The following SHPRH variants were observed in gnomAD, a reference collection of about 807,000 sequenced individuals.
The protein encoded by SHPRH is E3 ubiquitin-protein ligase SHPRH.
Under a neutral mutation model 202.5 loss-of-function variants are expected in SHPRH, and 106 were observed. That is an observed-to-expected ratio of 0.52 (90% CI 0.45 to 0.62). The LOEUF (loss-of-function observed/expected upper bound fraction) is 0.62. Among genes scored for constraint, SHPRH ranks in the 20% least tolerant of loss-of-function variants. The probability of loss-of-function intolerance (pLI) is 0.00; values close to 1 mark genes in which losing one functional copy is unlikely to be tolerated. For missense variants in SHPRH, 1,710 were observed against 2,020.0 expected (o/e 0.85, Z 2.94); for synonymous variants, 729 against 686.0 (o/e 1.06, Z -0.98).
intron 2 of SHPRH, among the ~76,000 whole-genome samples, chr6:145,864,772 G>C (rs1249654955): frequency 6.6e-6 from 1 of 152,004 alleles, no homozygotes; most frequent in Admixed American, 6.6e-5. Context: ...TGATGCCCTA[G>C]ATTCTGTGAC....
chr6:145,908,115 T>A (rs1226282936), intron 25 of SHPRH: 1 of 152,190 alleles, frequency 6.6e-6, no homozygotes, highest in South Asian at 2.1e-4. Flanking sequence ...TATGGATGCA[T>A]AGTATTACAT....
intron 14 of SHPRH, among the ~76,000 whole-genome samples, chr6:145,929,399 A>G (rs1051326328): frequency 1.3e-5 from 2 of 152,058 alleles, no homozygotes; most frequent in African/African-American, 2.4e-5. Flanking sequence ...TATCATACGT[A>G]TTTATTTACA....
At chr6:145,863,655 G>A (rs115345385), downstream of SHPRH, among the ~76,000 whole-genome samples, 1,529 of 152,272 alleles carry the variant, frequency 0.01, 23 homozygotes, top group African/African-American at 0.035. Context: ...GAGATGGACT[G>A]GGCTAGTTAA....
At chr6:145,947,232 T>C (rs1045717933) in intron 6 of SHPRH, among the ~76,000 whole-genome samples, 1 of 152,020 alleles carries the variant, frequency 6.6e-6, no homozygotes, top group Non-Finnish European at 1.5e-5. Context: ...GTAAAGGAGT[T>C]TCTCTGCCAA....
intron 24 of SHPRH, among the ~76,000 whole-genome samples, chr6:145,912,634 A>T (rs986634896): frequency 6.6e-6 from 1 of 152,096 alleles, no homozygotes; most frequent in Non-Finnish European, 1.5e-5. Flanking sequence ...TCCCTTTAAG[A>T]TGTATTAGCA....
chr6:145,950,308 T>A lies in SHPRH; in HGVS notation c.938A>T (p.Asn313Ile). The change falls in exon 4 of 30, where the codon AAT becomes ATT. Residue 313 changes from asparagine (N) to isoleucine (I), a missense_variant. By Grantham distance (149) the Asn-to-Ile change is moderately radical (BLOSUM62 -3). Coordinates refer to ENST00000275233, the MANE Select transcript of SHPRH (RefSeq NM_001042683.3). ...GAAACACTCTTGTTGTAGCATCCAA[T>A]TGACAGCCTCTCTTTGGTAGGGTCT... ...VLRPYQREAV[N>I]WMLQQECFRS... 1.2e-6 allele frequency: 2 copies of A among 1,613,180 alleles called. No homozygotes were observed. The highest frequency in any genetic ancestry group is 1.7e-6 in the Non-Finnish European group (2 of 1,179,382).
chr6:145,961,194 T>C (rs1453928103), intron 1 of SHPRH, among the ~76,000 whole-genome samples: 1 of 152,120 alleles, frequency 6.6e-6, no homozygotes, highest in Admixed American at 6.5e-5. Flanking sequence ...TGTCGCAGGA[T>C]GGGGGACCAC....
chr6:145,926,249 G>T lies in SHPRH; in HGVS notation c.3249C>A (p.His1083Gln), dbSNP rs1197480311. 6.2e-7 allele frequency: 1 copy of T among 1,612,900 alleles called. No individual in the cohort carries two copies. The highest frequency in any genetic ancestry group is 8.5e-7 in the Non-Finnish European group (1 of 1,179,248). The part of the protein sequence containing the change: ...HNLMELLIAR[H>Q]PGIPPTLRDG... ...CACGCAAGGTAGGTGGTATCCCTGG[G>T]TGCCTGGCTATCAACAATTCCATCA... is the stretch of plus-strand genomic sequence containing the variant. The change falls in exon 16 of 30, where the codon CAC becomes CAA. Residue 1083 changes from histidine to glutamine, a missense_variant. His to Gln is a conservative substitution (Grantham distance 24, BLOSUM62 0). This residue lies in a region of SHPRH where 288 missense variants were observed against 317.8 expected (regional missense o/e 0.91). Coordinates refer to ENST00000275233, the MANE Select transcript of SHPRH (RefSeq NM_001042683.3).
chr6:145,931,451 C>T (rs1272178955), intron 14 of SHPRH, among the ~76,000 whole-genome samples: 1 of 152,070 alleles, frequency 6.6e-6, no homozygotes, highest in Non-Finnish European at 1.5e-5. Flanking sequence ...CTCCGGGGTT[C>T]AAGTGATTCT....
chr6:145,919,179 T>G, intron 22 of SHPRH, 169 bp downstream of exon 22: 1 of 872,684 alleles, frequency 1.1e-6, no homozygotes, highest in East Asian at 2.6e-5. Flanking sequence ...TGCTCATCTT[T>G]GACCATTTTT....
At chr6:145,897,115 G>A (rs765322177) in intron 25 of SHPRH, among the ~76,000 whole-genome samples, 39 of 151,828 alleles carry the variant, frequency 2.6e-4, no homozygotes, top group Non-Finnish European at 5.0e-4. Context: ...ATTCTTAGTT[G>A]GTTATTTGAA....
At chr6:145,948,182 A>G (rs922259655) in intron 5 of SHPRH, 90 bp downstream of exon 5, 2 of 896,028 alleles carry the variant, frequency 2.2e-6, no homozygotes, top group Non-Finnish European at 3.4e-6. Flanking sequence ...CATGAGGTAG[A>G]GTCAAAGTTA....
intron 14 of SHPRH, among the ~76,000 whole-genome samples, chr6:145,931,360 T>C (rs1431332730): frequency 6.6e-6 from 1 of 151,996 alleles, no homozygotes; most frequent in East Asian, 1.9e-4. Context: ...TATTTACTTA[T>C]TATTATTTTT....
intron 11 of SHPRH, among the ~76,000 whole-genome samples, chr6:145,937,302 A>C (rs1316937053): frequency 6.6e-6 from 1 of 152,078 alleles, no homozygotes; most frequent in Non-Finnish European, 1.5e-5. Flanking sequence ...GGTAGTATTC[A>C]CTGGGGAAAC....
In SHPRH at chr6:145,922,841, T is replaced by C. The variant is rs374519350; in HGVS notation, c.3546-5A>G. ...AGACCTCTGCAATCACGGAACCTGA[T>C]TCCCACACCAGCACCACACACAATA... On this transcript the variant is annotated splice_region_variant and splice_polypyrimidine_tract_variant and intron_variant, in intron 18 of 29. Transcript: ENST00000275233. The C allele has an allele frequency of 1.7e-4, 277 of 1,606,594 alleles. 1 individual carries two copies. Among genetic ancestry groups the C allele is most frequent in the Non-Finnish European group, 2.2e-4 (262 of 1,176,330 alleles).
At chr6:145,924,224 A>T (rs937047171) in intron 17 of SHPRH, among the ~76,000 whole-genome samples, 1 of 151,966 alleles carries the variant, frequency 6.6e-6, no homozygotes, top group Non-Finnish European at 1.5e-5. Flanking sequence ...TATATCCCAG[A>T]ATACTAAATA....
At chr6:145,918,375 G>T in intron 22 of SHPRH, 143 bp from the exon 23 acceptor site, 2 of 481,986 alleles carry the variant, frequency 4.1e-6, no homozygotes, top group Non-Finnish European at 6.9e-6. Context: ...TTTTCAAAAT[G>T]GATACTAGAT....
At chr6:145,864,554 A>G (rs1469557769) in intron 2 of SHPRH, 1 of 210,206 alleles carries the variant, frequency 4.8e-6, no homozygotes, top group Non-Finnish European at 1.1e-5. Context: ...ACAAAACAAT[A>G]AAGCCTCTTG....
At chr6:145,868,181 C>T (rs1056126373) in intron 2 of SHPRH, among the ~76,000 whole-genome samples, 3 of 152,148 alleles carry the variant, frequency 2.0e-5, no homozygotes, top group African/African-American at 7.2e-5. Context: ...CAAAGCTCCT[C>T]TTCTTGTAAG....
Sources: allele counts gnomAD v4.1 joint callset (sites outside exome capture counted in the v4.1 genomes callset), GRCh38; gene constraint gnomAD v4.1.1; regional missense constraint gnomAD v4.1.1; transcripts MANE v1.5; gene names NCBI Gene and HGNC (gene_info 2026-07-23, HGNC 2026-07-21).